STK32A: variants seen among roughly 807,000 people sequenced by gnomAD.
STK32A encodes serine/threonine-protein kinase 32A.
A neutral mutation model predicts 53.2 loss-of-function variants in STK32A; 41 were observed. The ratio of observed to expected loss-of-function variants is 0.77; its 90% confidence interval spans 0.60 to 1.00. STK32A has a LOEUF of 1.00. STK32A is among the 50% of genes least tolerant of loss of function. STK32A has a pLI of 0.00. For missense variants in STK32A, 458 were observed against 485.8 expected, an observed-to-expected ratio of 0.94 and a Z score of 0.54; for synonymous variants, 166 against 162.8, an observed-to-expected ratio of 1.02 and a Z score of -0.15.
intron 4 of STK32A, among the ~76,000 whole-genome samples, chr5:147,286,683 C>T (rs1261628617): frequency 6.6e-6 from 1 of 152,162 alleles, no homozygotes. Flanking sequence ...TCATTAGGAT[C>T]TTCCTCAGGG....
Position 147,249,908 on chromosome 5 carries a change from C to CAAAAA in STK32A, c.52+10242_52+10246dup, listed in dbSNP as rs35848112. ...TGGGCAACAGAGTAAGCCTCTGTCT[C>CAAAAA]AAAAAAAAAAAAAAAAAAAAAAAAG... On this transcript the variant is annotated intron_variant, in intron 2 of 12. Coordinates refer to ENST00000397936, the MANE Select transcript of STK32A (RefSeq NM_001112724.2). 8.3e-3 allele frequency among the ~76,000 whole-genome samples: 486 copies of CAAAAA among 58,516 alleles called. 36 individuals are homozygous for CAAAAA. The highest frequency in any genetic ancestry group is 0.023 in the African/African-American group (335 of 14,844). 38.4% of individuals were successfully genotyped at this position (58,516 alleles called of 152,430 possible).
At chr5:147,272,257 A>T (rs1355726255) in intron 2 of STK32A, among the ~76,000 whole-genome samples, 1 of 152,146 alleles carries the variant, frequency 6.6e-6, no homozygotes, top group East Asian at 1.9e-4. Flanking sequence ...TTGTATTTTT[A>T]GTAGAGACTG....
intron 8 of STK32A, among the ~76,000 whole-genome samples, chr5:147,368,559 C>A (rs1211704413): frequency 1.6e-4 from 25 of 151,946 alleles, no homozygotes; most frequent in Non-Finnish European, 5.9e-5. Context: ...TTCATTGTAC[C>A]CTCAATGCCT....
intron 2 of STK32A, among the ~76,000 whole-genome samples, chr5:147,240,336 G>C (rs1753516508): frequency 6.6e-6 from 1 of 152,098 alleles, no homozygotes; most frequent in East Asian, 1.9e-4. Flanking sequence ...GTATGCAGGT[G>C]GCAGCTGTTT....
chr5:147,338,768 G>GCTGTTC (rs1447056819), intron 5 of STK32A, among the ~76,000 whole-genome samples: 1 of 152,196 alleles, frequency 6.6e-6, no homozygotes, highest in African/African-American at 2.4e-5. Flanking sequence ...TTTTTCCCCT[G>GCTGTTC]CCATAGAGAT....
chr5:147,378,493 C>T (rs1757317651), intron 11 of STK32A, among the ~76,000 whole-genome samples: 1 of 152,094 alleles, frequency 6.6e-6, no homozygotes, highest in African/African-American at 2.4e-5. Flanking sequence ...GAAGGCATTC[C>T]TTCAGCAAAA....
intron 2 of STK32A, among the ~76,000 whole-genome samples, chr5:147,276,239 A>G (rs943485658): frequency 2.6e-5 from 4 of 152,198 alleles, no homozygotes; most frequent in African/African-American, 9.6e-5. Flanking sequence ...ACCCAAGGTA[A>G]AACATAAGCC....
At chr5:147,388,529 A>G (rs945485939), downstream of STK32A, among the ~76,000 whole-genome samples, 1 of 152,248 alleles carries the variant, frequency 6.6e-6, no homozygotes. Flanking sequence ...AGCAAAGGGC[A>G]GGATCTAGAA....
At chr5:147,300,798 C>T (rs1027237505) in intron 4 of STK32A, among the ~76,000 whole-genome samples, 3 of 152,174 alleles carry the variant, frequency 2.0e-5, no homozygotes, top group African/African-American at 7.2e-5. Context: ...TTAGTTTCCT[C>T]ACCTGTAATT....
chr5:147,266,942 A>G (rs1276078956), intron 2 of STK32A, among the ~76,000 whole-genome samples: 3 of 151,784 alleles, frequency 2.0e-5, no homozygotes, highest in Non-Finnish European at 4.4e-5. Context: ...AGAATCACTT[A>G]AACCTGGGAG....
intron 4 of STK32A, among the ~76,000 whole-genome samples, chr5:147,305,207 G>A (rs528539737): frequency 1.3e-5 from 2 of 152,034 alleles, no homozygotes; most frequent in Non-Finnish European, 2.9e-5. Context: ...CACATAGAAG[G>A]GTGAGGAAAA....
chr5:147,354,168 C>A (rs1193637642), intron 7 of STK32A, among the ~76,000 whole-genome samples: 1 of 152,118 alleles, frequency 6.6e-6, no homozygotes, highest in East Asian at 1.9e-4. Context: ...GAATAAATCT[C>A]TTTTGTCACT....
chr5:147,355,535 G>T (rs1341407537), intron 7 of STK32A, among the ~76,000 whole-genome samples: 2 of 151,838 alleles, frequency 1.3e-5, no homozygotes, highest in Non-Finnish European at 2.9e-5. Flanking sequence ...AAAATTAGCC[G>T]GGCGTGGTGG....
rs1755130764 is a variant in STK32A, at chr5:147,336,475, A to C, written c.435-6531A>C. Among the ~76,000 whole-genome samples, 8 of 152,298 alleles carry C rather than the reference A, an allele frequency of 5.3e-5. No individual in the cohort carries two copies. In the South Asian group the frequency reaches 1.7e-3, roughly 32 times the overall value. ...ATGACTGTGCTGTTCTGGTTGTTAAATATTTTGTCCATCACCTCTGGCTAT... is the reference window on the plus strand; with the variant it reads ...ATGACTGTGCTGTTCTGGTTGTTAACTATTTTGTCCATCACCTCTGGCTAT... On this transcript the variant is annotated intron_variant, in intron 5 of 12. Coordinates refer to ENST00000397936, the MANE Select transcript of STK32A (RefSeq NM_001112724.2).
chr5:147,291,243 G>C (rs950883317), intron 4 of STK32A, among the ~76,000 whole-genome samples: 3 of 152,020 alleles, frequency 2.0e-5, no homozygotes, highest in African/African-American at 4.8e-5. Flanking sequence ...AGCAGTTTTG[G>C]CTCCTTTTAT....
chr5:147,367,443 C>T (rs1756809639), intron 8 of STK32A, among the ~76,000 whole-genome samples: 1 of 152,116 alleles, frequency 6.6e-6, no homozygotes, highest in South Asian at 2.1e-4. Context: ...ACCAAACAGG[C>T]TTTGTGTGAG....
intron 4 of STK32A, among the ~76,000 whole-genome samples, chr5:147,323,341 T>A (rs1203036185): frequency 6.6e-6 from 1 of 152,210 alleles, no homozygotes; most frequent in African/African-American, 2.4e-5. Context: ...TACTTCCCCA[T>A]CCCAAAGACA....
chr5:147,337,603 C>T (rs370131525), intron 5 of STK32A, among the ~76,000 whole-genome samples: 6 of 152,128 alleles, frequency 3.9e-5, no homozygotes, highest in Middle Eastern at 6.8e-3. Context: ...AATAGTTACT[C>T]GAGCACCTAC....
chr5:147,274,657 A>G (rs1755176457), intron 2 of STK32A, among the ~76,000 whole-genome samples: 1 of 152,198 alleles, frequency 6.6e-6, no homozygotes, highest in South Asian at 2.1e-4. Flanking sequence ...GATACTCTTT[A>G]AGAAGTAATA....
Sources: allele counts gnomAD v4.1 joint callset (sites outside exome capture counted in the v4.1 genomes callset), GRCh38; gene constraint gnomAD v4.1.1; transcripts MANE v1.5; gene names NCBI Gene and HGNC (gene_info 2026-07-23, HGNC 2026-07-21).